The following OR9Q1 variants were observed in gnomAD, a reference collection of about 807,000 sequenced individuals.
OR9Q1 encodes the protein olfactory receptor 9Q1.
For missense variants in OR9Q1, 374 were observed against 378.8 expected, an observed-to-expected ratio of 0.99 and a Z score of 0.11; for synonymous variants, 153 against 148.6, an observed-to-expected ratio of 1.03 and a Z score of -0.22.
chr11:58,048,656 A>C (rs1345485871), intron 1 of OR9Q1, among the ~76,000 whole-genome samples: 1 of 139,956 alleles, frequency 7.1e-6, no homozygotes, highest in Non-Finnish European at 1.5e-5. Flanking sequence ...GCAATAGAGC[A>C]AGGACTCCAT....
At chr11:58,081,410 T>C (rs1306220546) in intron 2 of OR9Q1, among the ~76,000 whole-genome samples, 1 of 152,322 alleles carries the variant, frequency 6.6e-6, no homozygotes, top group South Asian at 2.1e-4. Flanking sequence ...TCCACAGTGA[T>C]TGAACTAATT....
chr11:58,100,324 A>G (rs1383193247), intron 2 of OR9Q1, among the ~76,000 whole-genome samples: 1 of 152,222 alleles, frequency 6.6e-6, no homozygotes, highest in Non-Finnish European at 1.5e-5. Context: ...TTAATTTATT[A>G]TAGATTGCCT....
At chr11:58,076,036 G>A (rs1259071639) in intron 2 of OR9Q1, among the ~76,000 whole-genome samples, 2 of 152,124 alleles carry the variant, frequency 1.3e-5, no homozygotes, top group African/African-American at 4.8e-5. Flanking sequence ...GTTGCCCCGT[G>A]GCTGCTTTCT....
chr11:58,090,560 C>T (rs1031341638), intron 2 of OR9Q1, among the ~76,000 whole-genome samples: 7 of 152,032 alleles, frequency 4.6e-5, no homozygotes, highest in Non-Finnish European at 8.8e-5. Context: ...TATTTTATTG[C>T]AGATTTTTGC....
At chr11:58,139,025 C>T (rs1199110502) in intron 2 of OR9Q1, among the ~76,000 whole-genome samples, 1 of 151,508 alleles carries the variant, frequency 6.6e-6, no homozygotes, top group African/African-American at 2.4e-5. Flanking sequence ...GACAGAAAGA[C>T]AAAGCAGGGG....
intron 2 of OR9Q1, chr11:58,060,194 T>C (rs1477786338): frequency 1.3e-5 from 2 of 152,240 alleles, no homozygotes; most frequent in Admixed American, 6.5e-5. Flanking sequence ...TGTTTCACCA[T>C]TATCCCTTCC....
At chr11:58,164,836 T>A (rs966986689) in intron 2 of OR9Q1, among the ~76,000 whole-genome samples, 2 of 152,206 alleles carry the variant, frequency 1.3e-5, no homozygotes, top group Non-Finnish European at 2.9e-5. Flanking sequence ...TACTGTCCTT[T>A]GAACACACCA....
chr11:58,065,001 G>A (rs1212417272), intron 2 of OR9Q1, among the ~76,000 whole-genome samples: 2 of 152,062 alleles, frequency 1.3e-5, no homozygotes, highest in African/African-American at 4.8e-5. Flanking sequence ...GACACACAGA[G>A]TGACAGGTGG....
At position 58,105,326 on chromosome 11, in the gene OR9Q1, T is replaced by C. The variant is rs539124599; in HGVS notation, c.-15+49379T>C. Reference sequence around the variant, plus strand: ...GATTTATTCTGAAGCAGCAATTAATTTATACCTTTATTGAGGTATAATTGA... The same window carrying C: ...GATTTATTCTGAAGCAGCAATTAATCTATACCTTTATTGAGGTATAATTGA... On this transcript the variant is annotated intron_variant, in intron 2 of 2. Coordinates refer to ENST00000335397, the MANE Select transcript of OR9Q1 (RefSeq NM_001005212.4). Among the ~76,000 whole-genome samples, 22 of 152,292 alleles carry C rather than the reference T, an allele frequency of 1.4e-4. 2 individuals are homozygous for C. In the South Asian group the frequency reaches 3.7e-3, roughly 26 times the overall value.
intron 2 of OR9Q1, among the ~76,000 whole-genome samples, chr11:58,071,354 G>A (rs949620865): frequency 6.6e-6 from 1 of 152,028 alleles, no homozygotes; most frequent in Non-Finnish European, 1.5e-5. Context: ...CAGGCGTGGT[G>A]GTGCATGCCT....
chr11:58,053,627 A>AATATATATATAT (rs1554965491), intron 1 of OR9Q1, among the ~76,000 whole-genome samples: 161 of 103,308 alleles, frequency 1.6e-3, no homozygotes, highest in African/African-American at 4.3e-3. Flanking sequence ...ATATATATAT[A>AATATATATATAT]AAATATATAT....
At chr11:58,036,360 C>T (rs972407176) in intron 1 of OR9Q1, among the ~76,000 whole-genome samples, 6 of 152,190 alleles carry the variant, frequency 3.9e-5, no homozygotes, top group East Asian at 3.8e-4. Flanking sequence ...CCTGATGACA[C>T]GAGAGTTCTG....
chr11:58,067,823 G>C (rs1853444053), intron 2 of OR9Q1, among the ~76,000 whole-genome samples: 1 of 152,202 alleles, frequency 6.6e-6, no homozygotes, highest in Non-Finnish European at 1.5e-5. Flanking sequence ...TCCTGCCCCA[G>C]ACCTGCACTG....
intron 2 of OR9Q1, among the ~76,000 whole-genome samples, chr11:58,156,929 G>T (rs2119913243): frequency 6.6e-6 from 1 of 152,304 alleles, no homozygotes; most frequent in Middle Eastern, 3.4e-3. Context: ...GTGGATGATG[G>T]AGAGCAGGAA....
intron 2 of OR9Q1, among the ~76,000 whole-genome samples, chr11:58,085,647 T>C (rs1341511646): frequency 6.6e-6 from 1 of 151,854 alleles, no homozygotes; most frequent in Non-Finnish European, 1.5e-5. Flanking sequence ...TGAAATCAAG[T>C]AGTATTATTT....
intron 2 of OR9Q1, among the ~76,000 whole-genome samples, chr11:58,108,275 A>G (rs1047263427): frequency 1.3e-5 from 2 of 152,216 alleles, no homozygotes; most frequent in Non-Finnish European, 2.9e-5. Flanking sequence ...TTATTCTCCA[A>G]TTAGTACAAT....
At chr11:58,136,631 C>A (rs959838451) in intron 2 of OR9Q1, among the ~76,000 whole-genome samples, 1 of 152,208 alleles carries the variant, frequency 6.6e-6, no homozygotes, top group Non-Finnish European at 1.5e-5. Context: ...CGATGTATCA[C>A]ATGGCAAGGT....
At chr11:58,068,039 A>G (rs908203404) in intron 2 of OR9Q1, among the ~76,000 whole-genome samples, 7 of 152,240 alleles carry the variant, frequency 4.6e-5, no homozygotes, top group South Asian at 4.1e-4. Context: ...ATGAGCTCCA[A>G]TAAAGCCCAG....
intron 2 of OR9Q1, among the ~76,000 whole-genome samples, chr11:58,169,784 C>T (rs1011437385): frequency 9.9e-5 from 15 of 152,044 alleles, no homozygotes; most frequent in African/African-American, 1.7e-4. Context: ...GGCATCAGGA[C>T]GGGACATTTA....
Sources: gnomAD v4.1 joint callset for allele counts (sites outside exome capture counted in the v4.1 genomes callset) on GRCh38, gnomAD v4.1.1 for gene constraint, MANE v1.5 for transcripts, NCBI Gene and HGNC (gene_info 2026-07-23, HGNC 2026-07-21) for gene names.